KLF12: variants seen among roughly 807,000 people sequenced by gnomAD.
KLF12 encodes Krueppel-like factor 12.
Under a neutral mutation model 37.8 loss-of-function variants are expected in KLF12, and 9 were observed. That is an observed-to-expected ratio of 0.24 (90% CI 0.14 to 0.42). The LOEUF (loss-of-function observed/expected upper bound fraction) is 0.42. Ranked by LOEUF, KLF12 falls within the 10% of genes least tolerant of loss-of-function variation. The probability of loss-of-function intolerance (pLI) is 1.00; values close to 1 mark genes in which losing one functional copy is unlikely to be tolerated. For missense variants in KLF12, 411 were observed against 516.0 expected (o/e 0.80, Z 1.97); for synonymous variants, 208 against 202.1 (o/e 1.03, Z -0.25).
At chr13:74,247,870 A>G in the KLF12 span, among the ~76,000 whole-genome samples, 1 of 152,192 alleles carries the variant, frequency 6.6e-6, no homozygotes, top group Non-Finnish European at 1.5e-5. Flanking sequence ...TATTTTGAAT[A>G]TTATGGTGGG....
the KLF12 span, among the ~76,000 whole-genome samples, chr13:74,196,749 C>T: frequency 6.6e-6 from 1 of 152,150 alleles, no homozygotes; most frequent in Non-Finnish European, 1.5e-5. Context: ...TTAAAAAATT[C>T]TCTTCAAGTT....
At chr13:74,241,266 G>A in the KLF12 span, among the ~76,000 whole-genome samples, 3 of 151,938 alleles carry the variant, frequency 2.0e-5, no homozygotes, top group Non-Finnish European at 2.9e-5. Flanking sequence ...GGGGGTCAGG[G>A]GTCAGGGACC....
intron 1 of KLF12, among the ~76,000 whole-genome samples, chr13:74,132,107 C>A (rs994184429): frequency 6.6e-6 from 1 of 152,080 alleles, no homozygotes; most frequent in African/African-American, 2.4e-5. Flanking sequence ...GAGAATAGCA[C>A]AAGCAAGCTT....
intron 1 of KLF12, among the ~76,000 whole-genome samples, chr13:74,097,887 T>A (rs1242379975): frequency 6.6e-6 from 1 of 152,082 alleles, no homozygotes; most frequent in African/African-American, 2.4e-5. Flanking sequence ...TTTTGACTTA[T>A]AGGTACATCT....
intron 4 of KLF12, among the ~76,000 whole-genome samples, chr13:73,815,836 G>A (rs1003671198): frequency 2.6e-5 from 4 of 152,166 alleles, no homozygotes; most frequent in African/African-American, 9.7e-5. Context: ...GAGCAATCTG[G>A]CTCTGAAAGT....
At chr13:74,255,455 C>A in the KLF12 span, among the ~76,000 whole-genome samples, 1 of 152,140 alleles carries the variant, frequency 6.6e-6, no homozygotes, top group Admixed American at 6.5e-5. Context: ...GACATTTTGC[C>A]TTTTATGTGG....
chr13:73,713,556 T>C (rs1468987617), intron 7 of KLF12, among the ~76,000 whole-genome samples: 1 of 152,226 alleles, frequency 6.6e-6, no homozygotes, highest in African/African-American at 2.4e-5. Context: ...GACTGTAACA[T>C]ATAAAGTCCA....
At chr13:73,743,701 A>G (rs1231188547) in intron 6 of KLF12, among the ~76,000 whole-genome samples, 1 of 152,222 alleles carries the variant, frequency 6.6e-6, no homozygotes, top group African/African-American at 2.4e-5. Context: ...AGAGTTGGAA[A>G]AAGCTGATCC....
the KLF12 span, among the ~76,000 whole-genome samples, chr13:74,242,187 T>G: frequency 1.7e-4 from 26 of 152,258 alleles, no homozygotes; most frequent in Non-Finnish European, 3.4e-4. Flanking sequence ...TCTTGTAAGA[T>G]GGACTTTTAT....
the KLF12 span, among the ~76,000 whole-genome samples, chr13:74,277,841 A>C: frequency 6.6e-6 from 1 of 152,180 alleles, no homozygotes; most frequent in Non-Finnish European, 1.5e-5. Flanking sequence ...AGGTGCTCAG[A>C]CACATTTCAG....
At chr13:74,216,779 C>T in the KLF12 span, among the ~76,000 whole-genome samples, 2 of 152,146 alleles carry the variant, frequency 1.3e-5, no homozygotes, top group Admixed American at 1.3e-4. Flanking sequence ...TAATTAACAT[C>T]CTCTGTAGCA....
chr13:73,882,437 G>A (rs1219185749), intron 3 of KLF12, among the ~76,000 whole-genome samples: 1 of 152,150 alleles, frequency 6.6e-6, no homozygotes, highest in South Asian at 2.1e-4. Context: ...TACACAAAGT[G>A]TATATAGATT....
the KLF12 span, among the ~76,000 whole-genome samples, chr13:74,191,139 T>C: frequency 6.6e-6 from 1 of 152,358 alleles, no homozygotes; most frequent in East Asian, 1.9e-4. Flanking sequence ...CATTATATTG[T>C]GAACTCTCTC....
intron 1 of KLF12, among the ~76,000 whole-genome samples, chr13:74,108,944 A>G (rs1407971608): frequency 1.3e-5 from 2 of 152,190 alleles, no homozygotes; most frequent in Non-Finnish European, 2.9e-5. Flanking sequence ...AGGGTCAAGT[A>G]TATGTGAAAA....
At chr13:73,855,477 T>G (rs1885559844) in intron 3 of KLF12, among the ~76,000 whole-genome samples, 1 of 152,264 alleles carries the variant, frequency 6.6e-6, no homozygotes, top group African/African-American at 2.4e-5. Flanking sequence ...GTACCACATT[T>G]CCTTTATCCA....
At chr13:73,996,443 G>C (rs1021528344) in intron 1 of KLF12, among the ~76,000 whole-genome samples, 1 of 152,138 alleles carries the variant, frequency 6.6e-6, no homozygotes, top group Non-Finnish European at 1.5e-5. Context: ...CTTCTTAGCC[G>C]AATGTTCAAT....
the KLF12 span, among the ~76,000 whole-genome samples, chr13:74,169,160 T>C: frequency 6.6e-6 from 1 of 152,176 alleles, no homozygotes; most frequent in African/African-American, 2.4e-5. Flanking sequence ...AAAATAATAT[T>C]ACCCAAGAAA....
At chr13:73,917,290 C>T (rs910016165) in intron 3 of KLF12, among the ~76,000 whole-genome samples, 2 of 152,164 alleles carry the variant, frequency 1.3e-5, no homozygotes, top group African/African-American at 4.8e-5. Context: ...AATCTCAACA[C>T]CTTTCCTGGT....
intron 3 of KLF12, among the ~76,000 whole-genome samples, chr13:73,881,591 T>G (rs542510050): frequency 6.6e-6 from 1 of 152,316 alleles, no homozygotes; most frequent in African/African-American, 2.4e-5. Flanking sequence ...TCTGCCTGTG[T>G]TTTTTCAAAA....
Sources: gnomAD v4.1 joint callset for allele counts (sites outside exome capture counted in the v4.1 genomes callset) on GRCh38, gnomAD v4.1.1 for gene constraint, MANE v1.5 for transcripts, NCBI Gene and HGNC (gene_info 2026-07-23, HGNC 2026-07-21) for gene names.